The following CACNG5 variants were observed in gnomAD, a reference collection of about 807,000 sequenced individuals.
CACNG5 encodes calcium voltage-gated channel auxiliary subunit gamma 5.
A neutral mutation model predicts 24.8 loss-of-function variants in CACNG5; 18 were observed. That is an observed-to-expected ratio of 0.73 (90% CI 0.50 to 1.08). The LOEUF (loss-of-function observed/expected upper bound fraction) is 1.08, where lower values mean the gene tolerates loss of function less well. Ranked by LOEUF, CACNG5 falls within the 50% of genes least tolerant of loss-of-function variation. CACNG5 has a pLI of 0.00. For synonymous variants in CACNG5, 157 were observed against 149.1 expected, an observed-to-expected ratio of 1.05 and a Z score of -0.39; for missense variants, 349 against 367.9, an observed-to-expected ratio of 0.95 and a Z score of 0.42.
chr17:66,864,653 T>G (rs961298538), intron 1 of CACNG5, among the ~76,000 whole-genome samples: 1 of 152,252 alleles, frequency 6.6e-6, no homozygotes, highest in Non-Finnish European at 1.5e-5. Flanking sequence ...TTGATTGATT[T>G]ATTTTTTCAT....
chr17:66,880,905 A>C (rs1433573092), intron 4 of CACNG5, among the ~76,000 whole-genome samples: 1 of 152,036 alleles, frequency 6.6e-6, no homozygotes, highest in Non-Finnish European at 1.5e-5. Flanking sequence ...CACCTGGCTA[A>C]TTTTTGTATT....
chr17:66,878,874 C>A (rs958599767), intron 2 of CACNG5, 98 bp from the exon 3 acceptor site: 3 of 1,023,616 alleles, frequency 2.9e-6, no homozygotes, highest in South Asian at 1.5e-5. Context: ...CACAGCAGGT[C>A]AAAGATCCTA....
intron 3 of CACNG5, among the ~76,000 whole-genome samples, chr17:66,880,151 A>G (rs943140928): frequency 6.6e-6 from 1 of 152,230 alleles, no homozygotes; most frequent in African/African-American, 2.4e-5. Context: ...TGCACCATTC[A>G]GAGCAACCCC....
intron 1 of CACNG5, among the ~76,000 whole-genome samples, chr17:66,842,931 G>A (rs1976587576): frequency 6.6e-6 from 1 of 152,304 alleles, no homozygotes; most frequent in Non-Finnish European, 1.5e-5. Context: ...TGGGACAGAT[G>A]GCCTATGAGT....
chr17:66,890,633 G>T lies in CACNG5; in HGVS notation c.*5393G>T, dbSNP rs955235448. On this transcript the variant is annotated 3_prime_UTR_variant, in exon 6 of 6. Transcript: ENST00000533854. Reference sequence around the variant, plus strand: ...GCCCCAGGTGGCCCCATCCTTGAAGGTTTGCATGCGTGGGCTCTCTGTCCT... The same window carrying T: ...GCCCCAGGTGGCCCCATCCTTGAAGTTTTGCATGCGTGGGCTCTCTGTCCT... Among the ~76,000 whole-genome samples, 12 of 152,220 alleles carry T rather than the reference G, an allele frequency of 7.9e-5. No homozygotes were observed. Among genetic ancestry groups the T allele is most frequent in the African/African-American group, 2.4e-4 (10 of 41,450 alleles).
intron 1 of CACNG5, among the ~76,000 whole-genome samples, chr17:66,862,888 T>TTCTCTCTCTCTC (rs144007490): frequency 1.0e-5 from 1 of 95,622 alleles, no homozygotes; most frequent in African/African-American, 3.3e-5. Context: ...TGCCAGCATA[T>TTCTCTCTCTCTC]TCTCTGTGTG....
At chr17:66,863,793 C>G (rs1465558448) in intron 1 of CACNG5, among the ~76,000 whole-genome samples, 1 of 152,154 alleles carries the variant, frequency 6.6e-6, no homozygotes, top group Non-Finnish European at 1.5e-5. Context: ...TTTTTTGATT[C>G]AAGTCTGCTG....
chr17:66,879,961 G>A (rs1037493745), intron 3 of CACNG5, among the ~76,000 whole-genome samples: 6 of 152,078 alleles, frequency 3.9e-5, no homozygotes, highest in African/African-American at 1.4e-4. Context: ...GAGTCACCTG[G>A]TTAGCAAAAA....
At chr17:66,881,140 T>C (rs73994665) in intron 4 of CACNG5, among the ~76,000 whole-genome samples, 2,218 of 152,236 alleles carry the variant, frequency 0.015, 52 homozygotes, top group African/African-American at 0.051. Context: ...GAGTCAGAGA[T>C]GGAGGAAACA....
intron 1 of CACNG5, among the ~76,000 whole-genome samples, chr17:66,847,513 C>A (rs1164060868): frequency 6.6e-6 from 1 of 151,994 alleles, no homozygotes; most frequent in East Asian, 1.9e-4. Flanking sequence ...TCTCGTGAGA[C>A]TTACTATCAC....
intron 1 of CACNG5, among the ~76,000 whole-genome samples, chr17:66,864,442 A>C (rs1313769069): frequency 6.6e-6 from 1 of 152,198 alleles, no homozygotes; most frequent in Non-Finnish European, 1.5e-5. Flanking sequence ...GGTTGTACAA[A>C]ATATAAGTCT....
At chr17:66,839,604 C>A (rs141336839) in intron 1 of CACNG5, among the ~76,000 whole-genome samples, 6 of 148,082 alleles carry the variant, frequency 4.1e-5, no homozygotes, top group African/African-American at 1.5e-4. Flanking sequence ...GGGGAGAGAG[C>A]GAGAGGGGGA....
At chr17:66,884,913 C>CA (rs751975148) in intron 5 of CACNG5, 70 bp from the exon 6 acceptor site, 1 of 1,613,890 alleles carries the variant, frequency 6.2e-7, no homozygotes, top group Admixed American at 1.7e-5. Context: ...GTGTCCTGTG[C>CA]AGACCCCAGC....
chr17:66,869,865 C>T (rs112577117), intron 1 of CACNG5, among the ~76,000 whole-genome samples: 74 of 152,110 alleles, frequency 4.9e-4, no homozygotes, highest in African/African-American at 9.4e-4. Flanking sequence ...GGGTGGATCA[C>T]GAGGTCAAGA....
At position 66,852,869 on chromosome 17, in the gene CACNG5, C is replaced by CTCTCTTTCTCTCTCTTTT. The variant is rs1291273314; in HGVS notation, c.-104+17633_-104+17650dup. ...TCCCTCCCTCCCTCCCTTCCTTCCT[C>CTCTCTTTCTCTCTCTTTT]TCTCTTTCTCTCTCTTTTTCTCTTT... On this transcript the variant is annotated intron_variant, in intron 1 of 5. Coordinates refer to ENST00000533854, the MANE Select transcript of CACNG5 (RefSeq NM_145811.3). Among the ~76,000 whole-genome samples the CTCTCTTTCTCTCTCTTTT allele has an allele frequency of 3.4e-3, 502 of 147,674 alleles. 5 individuals carry two copies. The highest frequency in any genetic ancestry group is 0.012 in the African/African-American group (464 of 40,336).
intron 1 of CACNG5, among the ~76,000 whole-genome samples, chr17:66,867,954 A>G (rs1411155720): frequency 6.6e-6 from 1 of 152,154 alleles, no homozygotes; most frequent in African/African-American, 2.4e-5. Flanking sequence ...TCCATTTTAA[A>G]TGCATAGAAA....
rs1343264353 is a variant in CACNG5, at chr17:66,865,280, TC to T, written c.-103-11949del. ...GTACTATTTTTATGTTTTTTTTTTT[TC>T]AGCTGGTTTTGATCTGGGCATGCAT... On this transcript the variant is annotated intron_variant, in intron 1 of 5. Transcript: ENST00000533854. Among the ~76,000 whole-genome samples the T allele has an allele frequency of 3.3e-5, 5 of 149,384 alleles. No homozygotes were observed. The East Asian group carries it at 8.1e-4, about 24-fold the overall frequency.
At chr17:66,862,407 G>T (rs1976875494) in intron 1 of CACNG5, among the ~76,000 whole-genome samples, 1 of 144,238 alleles carries the variant, frequency 6.9e-6, no homozygotes. Flanking sequence ...TCACTTACAA[G>T]CTGCCTTAGA....
intron 4 of CACNG5, among the ~76,000 whole-genome samples, chr17:66,883,100 T>G (rs889270293): frequency 9.2e-5 from 14 of 152,192 alleles, no homozygotes; most frequent in Non-Finnish European, 1.5e-5. Flanking sequence ...CACCCTTCCA[T>G]GCATCAACCC....
Sources: gnomAD v4.1 joint callset for allele counts (sites outside exome capture counted in the v4.1 genomes callset) on GRCh38, gnomAD v4.1.1 for gene constraint, MANE v1.5 for transcripts, NCBI Gene and HGNC (gene_info 2026-07-23, HGNC 2026-07-21) for gene names.